MYCBP2: variants seen among roughly 807,000 people sequenced by gnomAD.
MYCBP2 encodes the protein E3 ubiquitin-protein ligase MYCBP2.
In MYCBP2, 120 loss-of-function variants were observed where a neutral mutation model predicts 525.3. The ratio of observed to expected loss-of-function variants is 0.23; its 90% CI spans 0.20 to 0.27. The LOEUF is 0.27. Ranked by LOEUF, MYCBP2 falls within the 10% of genes least tolerant of loss-of-function variation. MYCBP2 has a pLI of 1.00. For missense variants in MYCBP2, 4,149 were observed against 5,657.1 expected (o/e 0.73, Z 8.55); for synonymous variants, 1,894 against 1,955.8 (o/e 0.97, Z 0.83).
In MYCBP2 at chr13:77,098,016, A is replaced by G; in HGVS notation, c.9138T>C (p.His3046=). 6.2e-7 allele frequency: 1 copy of G among 1,613,676 alleles called. No homozygotes were observed. The highest frequency in any genetic ancestry group is 8.5e-7 in the Non-Finnish European group (1 of 1,179,812). The stretch of plus-strand genomic sequence containing the variant: ...GGAAAGAAGAACAAGCCATTGCATC[A>G]TGTACTATGCCTTCATGCCAGAGGA... The part of the protein sequence containing the change: ...ASFLWHEGIV[H]DAMACSSFLK... The change falls in exon 56 of 83, where the codon CAT becomes CAC. Residue 3046 remains histidine (H), a synonymous_variant. Transcript: ENST00000544440.
chr13:77,181,793 G>T lies in MYCBP2; in HGVS notation c.4849C>A (p.Arg1617=), dbSNP rs1181457409. Residue 1617 remains arginine (R), a synonymous_variant, in exon 33 of 83, where the codon CGA becomes AGA. Transcript: ENST00000544440. ...PIAYDGEVLL[R]SIVKQVSTEN... ...GTACTAACTTGTTTAACAATTGATC[G>T]TAGTAATACTTCTCCATCATACGCA... 2 of 1,613,938 alleles carry T rather than the reference G, an allele frequency of 1.2e-6. No homozygotes were observed. The highest frequency in any genetic ancestry group is 1.1e-5 in the South Asian group (1 of 91,082).
chr13:77,088,716 G>T, intron 61 of MYCBP2, 116 bp downstream of exon 61: 2 of 802,398 alleles, frequency 2.5e-6, no homozygotes, highest in South Asian at 1.9e-5. Context: ...CTTTTAATTG[G>T]CTAATGCCTT....
chr13:77,283,583 T>G (rs1205818828), intron 3 of MYCBP2, among the ~76,000 whole-genome samples: 1 of 152,166 alleles, frequency 6.6e-6, no homozygotes, highest in East Asian at 1.9e-4. Context: ...ATGGGAAATA[T>G]GACTTCTAAG....
chr13:77,231,583 T>C (rs1437104403), intron 18 of MYCBP2, among the ~76,000 whole-genome samples: 1 of 152,162 alleles, frequency 6.6e-6, no homozygotes, highest in Admixed American at 6.5e-5. Context: ...TTATGTGACA[T>C]TGGGAAAAGT....
rs1338019996 is a variant in MYCBP2 at position 77,061,858 on chromosome 13, ATAATT to A, written c.12775-73_12775-69del. ...TCTCAGACTCTCATACAAATTGAAT[ATAATT>A]TATTTACAAAAATAAACCGTTATTC... On this transcript the variant is annotated intron_variant, in intron 74 of 82. Transcript: ENST00000544440. 4.3e-6 allele frequency: 6 copies of A among 1,399,140 alleles called. No individual in the cohort carries two copies. In the African/African-American group the frequency reaches 4.4e-5, roughly 10 times the overall value. 86.7% of individuals were successfully genotyped at this position (1,399,140 alleles called of 1,614,324 possible).
At chr13:77,236,492 A>G (rs2067950231) in intron 17 of MYCBP2, among the ~76,000 whole-genome samples, 1 of 152,234 alleles carries the variant, frequency 6.6e-6, no homozygotes, top group African/African-American at 2.4e-5. Context: ...TCTATCCTAA[A>G]GAAAACTCTA....
chr13:77,134,230 T>C (rs930085151), intron 52 of MYCBP2, among the ~76,000 whole-genome samples: 4 of 152,010 alleles, frequency 2.6e-5, no homozygotes, highest in Non-Finnish European at 4.4e-5. Flanking sequence ...GGAAAGCATG[T>C]TCTCAGCCGG....
intron 3 of MYCBP2, among the ~76,000 whole-genome samples, chr13:77,280,734 A>C (rs962032335): frequency 6.6e-6 from 1 of 152,216 alleles, no homozygotes; most frequent in African/African-American, 2.4e-5. Flanking sequence ...TAGGCAACTC[A>C]GGTGGGCTGC....
At chr13:77,114,956 G>C (rs2049463465) in intron 55 of MYCBP2, among the ~76,000 whole-genome samples, 1 of 151,818 alleles carries the variant, frequency 6.6e-6, no homozygotes, top group African/African-American at 2.4e-5. Flanking sequence ...TTTTTCAGTT[G>C]GATAATCTTG....
intron 3 of MYCBP2, among the ~76,000 whole-genome samples, chr13:77,279,499 A>G (rs1195573004): frequency 6.6e-6 from 1 of 152,210 alleles, no homozygotes; most frequent in Non-Finnish European, 1.5e-5. Flanking sequence ...ATATACCTTC[A>G]TAAGACTGAT....
chr13:77,096,342 G>C lies in MYCBP2; in HGVS notation c.9924C>G (p.Leu3308=), dbSNP rs371261984. Residue 3308 remains leucine (L), a synonymous_variant, in exon 57 of 83, where the codon CTC becomes CTG. Transcript: ENST00000544440. ...LVCDRCREKY[L]REKQAAAREK... Reference sequence around the variant, plus strand: ...CCCTTGCAGCAGCCTGTTTTTCGCGGAGGTATTTTTCTCTACAGCGATCAC... The same window carrying C: ...CCCTTGCAGCAGCCTGTTTTTCGCGCAGGTATTTTTCTCTACAGCGATCAC... 9 of 1,613,010 alleles carry C rather than the reference G, an allele frequency of 5.6e-6. No individual in the cohort carries two copies. In the African/African-American group the frequency reaches 1.1e-4, roughly 19 times the overall value.
intron 46 of MYCBP2, among the ~76,000 whole-genome samples, chr13:77,152,635 G>A (rs142116713): frequency 1.3e-5 from 2 of 152,286 alleles, no homozygotes; most frequent in Non-Finnish European, 1.5e-5. Context: ...GATGAGACGC[G>A]CGGCTTAACC....
At chr13:77,105,878 T>A (rs190871908) in intron 55 of MYCBP2, among the ~76,000 whole-genome samples, 66 of 152,300 alleles carry the variant, frequency 4.3e-4, no homozygotes, top group Non-Finnish European at 7.1e-4. Context: ...TCTTTATGGG[T>A]CATTTTGTTT....
chr13:77,127,292 T>C (rs2051843247), intron 52 of MYCBP2, among the ~76,000 whole-genome samples: 1 of 151,990 alleles, frequency 6.6e-6, no homozygotes, highest in Admixed American at 6.6e-5. Flanking sequence ...AAATTTATTA[T>C]TGAAAAGAGT....
At chr13:77,084,078 C>T (rs2043795109) in intron 62 of MYCBP2, among the ~76,000 whole-genome samples, 1 of 152,172 alleles carries the variant, frequency 6.6e-6, no homozygotes, top group African/African-American at 2.4e-5. Context: ...CATCAGTCCA[C>T]TTCAGAACAG....
intron 35 of MYCBP2, 136 bp downstream of exon 35, chr13:77,177,612 G>T: frequency 4.1e-6 from 3 of 739,392 alleles, no homozygotes; most frequent in Non-Finnish European, 6.7e-6. Context: ...GTGAGCCACT[G>T]TGGCCAGTCT....
chr13:77,234,970 T>C (rs1448243971), intron 17 of MYCBP2, among the ~76,000 whole-genome samples: 36 of 152,060 alleles, frequency 2.4e-4, no homozygotes, highest in Admixed American at 2.4e-3. Flanking sequence ...TTTTGATTTA[T>C]AAATCAAGAA....
intron 77 of MYCBP2, among the ~76,000 whole-genome samples, chr13:77,059,083 A>T (rs1484569566): frequency 6.6e-6 from 1 of 151,444 alleles, no homozygotes; most frequent in Non-Finnish European, 1.5e-5. Context: ...TTAAAAAGGT[A>T]CCTTTGACTC....
intron 52 of MYCBP2, among the ~76,000 whole-genome samples, chr13:77,134,390 T>C (rs1313196693): frequency 2.6e-5 from 4 of 151,718 alleles, no homozygotes; most frequent in Non-Finnish European, 5.9e-5. Context: ...AAAAATTAGC[T>C]GGGTGTGGTG....
Sources: gnomAD v4.1 joint callset for allele counts (sites outside exome capture counted in the v4.1 genomes callset) on GRCh38, gnomAD v4.1.1 for gene constraint, MANE v1.5 for transcripts, NCBI Gene and HGNC (gene_info 2026-07-23, HGNC 2026-07-21) for gene names.